HLCS: variants seen among roughly 807,000 people sequenced by gnomAD.
The protein encoded by HLCS is biotin--protein ligase.
HLCS carries 53 observed loss-of-function variants against 75.0 expected under a neutral mutation model. That is an observed-to-expected ratio of 0.71 (90% CI 0.57 to 0.89). HLCS has a LOEUF of 0.89. HLCS is among the 40% of genes least tolerant of loss of function. The probability of loss-of-function intolerance (pLI) is 0.00; values close to 1 mark genes in which losing one functional copy is unlikely to be tolerated. For synonymous variants in HLCS, 431 were observed against 428.6 expected (o/e 1.01, Z -0.07); for missense variants, 966 against 1,074.0 (o/e 0.90, Z 1.41).
At chr21:36,798,636 T>G (rs2061102845) in intron 6 of HLCS, among the ~76,000 whole-genome samples, 1 of 152,208 alleles carries the variant, frequency 6.6e-6, no homozygotes, top group African/African-American at 2.4e-5. Flanking sequence ...CTGTTATCAT[T>G]CTGCATTCCC....
At chr21:36,758,305 G>A (rs114499760) in intron 9 of HLCS, among the ~76,000 whole-genome samples, 2,089 of 152,010 alleles carry the variant, frequency 0.014, 46 homozygotes, top group African/African-American at 0.047. Flanking sequence ...ACAGGGTTTC[G>A]CCATGTCACT....
chr21:36,856,898 T>A (rs1401839513), intron 6 of HLCS, among the ~76,000 whole-genome samples: 1 of 152,134 alleles, frequency 6.6e-6, no homozygotes, highest in African/African-American at 2.4e-5. Flanking sequence ...CAGACATACA[T>A]ACAAGGTAAT....
At chr21:36,925,915 TTA>T (rs1015705421) in intron 5 of HLCS, among the ~76,000 whole-genome samples, 8 of 152,204 alleles carry the variant, frequency 5.3e-5, no homozygotes, top group African/African-American at 1.7e-4. Flanking sequence ...TATAAAAGAA[TTA>T]TGTTTTTTCT....
At chr21:36,884,051 C>T (rs560761099) in intron 6 of HLCS, among the ~76,000 whole-genome samples, 65 of 152,286 alleles carry the variant, frequency 4.3e-4, no homozygotes, top group African/African-American at 7.5e-4. Flanking sequence ...CACCCAGACC[C>T]GGAGAGAGTA....
rs886057076 is a variant in HLCS at position 36,767,235 on chromosome 21, C to T, written c.1943G>A (p.Arg648Gln). ...QEMGLIVIAARQTEGKGRGGN... is the reference protein window; with the variant it reads ...QEMGLIVIAAQQTEGKGRGGN... ...TGACTGACCTTTGCCCTCGGTCTGC[C>T]GGGCCGCGATCACTATTAAGCCCAT... Residue 648 changes from arginine (R) to glutamine (Q), a missense_variant, in exon 7 of 11, where the codon CGG becomes CAG. Arg to Gln is a conservative substitution (Grantham distance 43, BLOSUM62 1). Coordinates refer to ENST00000674895, the MANE Select transcript of HLCS (RefSeq NM_001352514.2). 6.2e-6 allele frequency: 10 copies of T among 1,614,012 alleles called. No individual in the cohort carries two copies. The highest frequency in any genetic ancestry group is 3.3e-5 in the Admixed American group (2 of 60,006).
At chr21:36,799,274 C>T (rs1018182934) in intron 6 of HLCS, among the ~76,000 whole-genome samples, 4 of 152,154 alleles carry the variant, frequency 2.6e-5, no homozygotes, top group Non-Finnish European at 5.9e-5. Context: ...AAATGGCTAT[C>T]TTTTCTCCAC....
intron 6 of HLCS, among the ~76,000 whole-genome samples, chr21:36,768,112 G>A (rs780440131): frequency 5.9e-5 from 9 of 152,220 alleles, no homozygotes; most frequent in Non-Finnish European, 1.0e-4. Flanking sequence ...AGGAATTGCC[G>A]ATCAGGTGCT....
Position 36,966,484 on chromosome 21 carries a change from A to G in HLCS, c.155T>C (p.Leu52Pro). ...AAQPPGARVC[L>P]SRGGRVFCVS... ...GCAGAAGACGCGGCCGCCACGGCTC[A>G]GGCACACGCGGGCGCCCGGGGGCTG... is the stretch of plus-strand genomic sequence containing the variant. Residue 52 changes from leucine (L) to proline (P), a missense_variant, in exon 1 of 11, where the codon CTG becomes CCG. Physicochemically the swap from Leu to Pro is moderately conservative, Grantham distance 98 (BLOSUM62 -3). Transcript: ENST00000674895. 2 of 959,502 alleles carry G rather than the reference A, an allele frequency of 2.1e-6. No homozygotes were observed. Among genetic ancestry groups the G allele is most frequent in the East Asian group, 1.3e-4 (1 of 7,532 alleles). 59.4% of individuals were successfully genotyped at this position (959,502 alleles called of 1,614,324 possible). A position where few individuals can be genotyped will look rare whatever the true frequency, so the allele number is the denominator to read the frequency against.
chr21:36,816,823 C>G (rs2061678449), intron 6 of HLCS, among the ~76,000 whole-genome samples: 1 of 152,170 alleles, frequency 6.6e-6, no homozygotes, highest in Non-Finnish European at 1.5e-5. Context: ...CTGCTTCTTG[C>G]CTTACATCCA....
chr21:36,878,821 C>T (rs2064087577), intron 6 of HLCS, among the ~76,000 whole-genome samples: 1 of 152,164 alleles, frequency 6.6e-6, no homozygotes, highest in African/African-American at 2.4e-5. Context: ...ACGATTTCAG[C>T]AAAGCATCTG....
chr21:36,937,399 C>T lies in HLCS; in HGVS notation c.494-7G>A, dbSNP rs1437015433. Reference sequence around the variant, plus strand: ...GAGTCCTGCAAGTGCACCGCTAAGGCATGAATAGGAGAGAGAGACAGAAAA... The same window carrying T: ...GAGTCCTGCAAGTGCACCGCTAAGGTATGAATAGGAGAGAGAGACAGAAAA... On this transcript the variant is annotated splice_polypyrimidine_tract_variant and splice_region_variant and intron_variant, in intron 3 of 10. Coordinates refer to ENST00000674895, the MANE Select transcript of HLCS (RefSeq NM_001352514.2). 1.2e-6 allele frequency: 2 copies of T among 1,609,628 alleles called. No homozygotes were observed. The highest frequency in any genetic ancestry group is 8.5e-7 in the Non-Finnish European group (1 of 1,176,588).
At chr21:36,959,498 C>T (rs1226967438) in intron 2 of HLCS, among the ~76,000 whole-genome samples, 2 of 152,210 alleles carry the variant, frequency 1.3e-5, no homozygotes, top group African/African-American at 4.8e-5. Flanking sequence ...GGGGCGGGTC[C>T]CTGGTGACGC....
At chr21:36,875,347 A>G (rs1166440626) in intron 6 of HLCS, among the ~76,000 whole-genome samples, 1 of 152,008 alleles carries the variant, frequency 6.6e-6, no homozygotes, top group Non-Finnish European at 1.5e-5. Context: ...TTTTTCCAGG[A>G]CCAGCCAGGG....
intron 8 of HLCS, among the ~76,000 whole-genome samples, chr21:36,762,778 C>T (rs1240591309): frequency 6.6e-6 from 1 of 152,236 alleles, no homozygotes; most frequent in Non-Finnish European, 1.5e-5. Flanking sequence ...CGACCCCGTT[C>T]ACCGCTGAAG....
intron 6 of HLCS, among the ~76,000 whole-genome samples, chr21:36,886,167 C>T (rs1336847143): frequency 2.0e-5 from 3 of 151,926 alleles, no homozygotes; most frequent in Admixed American, 6.6e-5. Flanking sequence ...CACCGTGGCT[C>T]AGGCCTGTAA....
intron 1 of HLCS, 36 bp downstream of exon 1, chr21:36,966,408 C>T (rs2068583248): frequency 3.1e-6 from 2 of 655,396 alleles, no homozygotes; most frequent in Non-Finnish European, 3.8e-6. Context: ...TTCCGGCTCG[C>T]GGGGCCCGGG....
intron 6 of HLCS, among the ~76,000 whole-genome samples, chr21:36,872,691 T>C (rs532166522): frequency 2.6e-5 from 4 of 152,360 alleles, no homozygotes; most frequent in Non-Finnish European, 5.9e-5. Flanking sequence ...TGCTAAGTAG[T>C]GTACCTTTGT....
chr21:36,838,721 AAAG>A (rs1455675374), intron 6 of HLCS, among the ~76,000 whole-genome samples: 2 of 151,724 alleles, frequency 1.3e-5, no homozygotes, highest in Non-Finnish European at 2.9e-5. Context: ...AAAAAAAAAA[AAAG>A]AGAGAGACAG....
chr21:36,829,001 A>C (rs545787542), intron 6 of HLCS, among the ~76,000 whole-genome samples: 8 of 152,366 alleles, frequency 5.3e-5, no homozygotes, highest in African/African-American at 1.9e-4. Flanking sequence ...AACTAACAGG[A>C]GAAATGCTTT....
Sources: allele counts gnomAD v4.1 joint callset (sites outside exome capture counted in the v4.1 genomes callset), GRCh38; gene constraint gnomAD v4.1.1; transcripts MANE v1.5; gene names NCBI Gene and HGNC (gene_info 2026-07-23, HGNC 2026-07-21).